Variants in HDAC9 observed in about 807,000 individuals in gnomAD.
HDAC9 encodes the protein histone deacetylase 9, also known as MEF-2 interacting transcription repressor (MITR) protein.
A neutral mutation model predicts 139.4 loss-of-function variants in HDAC9; 41 were observed. The ratio of observed to expected loss-of-function variants is 0.29; its 90% CI spans 0.23 to 0.38. The LOEUF (loss-of-function observed/expected upper bound fraction) is 0.38. Ranked by LOEUF, HDAC9 falls within the 10% of genes least tolerant of loss-of-function variation. HDAC9 has a pLI of 1.00. For synonymous variants in HDAC9, 517 were observed against 476.2 expected (o/e 1.09, Z -1.12); for missense variants, 1,147 against 1,297.0 (o/e 0.88, Z 1.78).
At chr7:18,541,325 G>T (rs1053865325) in intron 2 of HDAC9, among the ~76,000 whole-genome samples, 1 of 151,870 alleles carries the variant, frequency 6.6e-6, no homozygotes, top group Non-Finnish European at 1.5e-5. Flanking sequence ...GCAGCCCGGT[G>T]TGCCAGCCAA....
intron 2 of HDAC9, among the ~76,000 whole-genome samples, chr7:18,209,722 A>G (rs2128166851): frequency 6.6e-6 from 1 of 150,882 alleles, no homozygotes; most frequent in Non-Finnish European, 1.5e-5. Flanking sequence ...TTTTTTTGAG[A>G]CAGAGTCTCA....
At chr7:18,709,367 G>C (rs1410394005) in intron 12 of HDAC9, among the ~76,000 whole-genome samples, 1 of 152,076 alleles carries the variant, frequency 6.6e-6, no homozygotes, top group African/African-American at 2.4e-5. Context: ...CCCTGAAAAG[G>C]ACATGATCTC....
chr7:18,379,170 T>G (rs1449233252), intron 1 of HDAC9, among the ~76,000 whole-genome samples: 1 of 152,170 alleles, frequency 6.6e-6, no homozygotes, highest in Non-Finnish European at 1.5e-5. Context: ...TAATAGAAAA[T>G]GCACTTAAGA....
In HDAC9 at chr7:18,585,345, C is replaced by T; in HGVS notation, c.87C>T (p.Asp29=). The change falls in exon 3 of 26, where the codon GAC becomes GAT. Residue 29 remains aspartate, a synonymous_variant. Coordinates refer to ENST00000686413, the MANE Select transcript of HDAC9 (RefSeq NM_178425.4). Reference sequence around the variant, plus strand: ...TCTCACCTTTAGACCTAAGGACAGACCTCAGGATGATGATGCCCGTGGTGG... The same window carrying T: ...TCTCACCTTTAGACCTAAGGACAGATCTCAGGATGATGATGCCCGTGGTGG... ...EPISPLDLRT[D]LRMMMPVVDP... 1 of 1,613,240 alleles carries T rather than the reference C, an allele frequency of 6.2e-7. No homozygotes were observed. The highest frequency in any genetic ancestry group is 8.5e-7 in the Non-Finnish European group (1 of 1,179,594).
At chr7:18,982,800 T>C (rs1055225030) in intron 25 of HDAC9, among the ~76,000 whole-genome samples, 17 of 152,206 alleles carry the variant, frequency 1.1e-4, no homozygotes, top group East Asian at 1.9e-4. Flanking sequence ...ATTTATGCCA[T>C]TGACAATCCG....
intron 2 of HDAC9, among the ~76,000 whole-genome samples, chr7:18,533,180 T>C (rs1809626565): frequency 6.6e-6 from 1 of 152,192 alleles, no homozygotes; most frequent in East Asian, 1.9e-4. Flanking sequence ...TTTTGTATAC[T>C]TGCATGTTTC....
At position 18,999,223 on chromosome 7, in the gene HDAC9, C is replaced by G. The variant is rs936021088; in HGVS notation, c.*3161C>G. ...TTACTCCAGCCCTATACGACACTCT[C>G]ACTAACCTTTCACTGACAACATCAT... On this transcript the variant is annotated 3_prime_UTR_variant, in exon 26 of 26. Transcript: ENST00000686413. 2 of 152,234 alleles carry G rather than the reference C, an allele frequency of 1.3e-5. No individual in the cohort carries two copies. Among genetic ancestry groups the G allele is most frequent in the African/African-American group, 4.8e-5 (2 of 41,450 alleles). 9.4% of individuals were successfully genotyped at this position (152,234 alleles called of 1,614,324 possible).
chr7:18,375,393 C>T (rs991229697), intron 1 of HDAC9, among the ~76,000 whole-genome samples: 14 of 152,092 alleles, frequency 9.2e-5, no homozygotes, highest in Admixed American at 1.3e-4. Flanking sequence ...TGCTTGAACC[C>T]GGGAGGTGGA....
intron 21 of HDAC9, among the ~76,000 whole-genome samples, chr7:18,838,178 T>C (rs982807968): frequency 2.6e-5 from 4 of 152,084 alleles, no homozygotes; most frequent in African/African-American, 4.8e-5. Flanking sequence ...AAAACCATCA[T>C]TGAACACATA....
Position 18,998,780 on chromosome 7 carries a change from GCT to G in HDAC9, c.*2724_*2725del, listed in dbSNP as rs1786602641. The G allele has an allele frequency of 6.6e-6, 1 of 152,074 alleles. No individual in the cohort carries two copies. The highest frequency in any genetic ancestry group is 1.5e-5 in the Non-Finnish European group (1 of 68,008). 9.4% of individuals were successfully genotyped at this position (152,074 alleles called of 1,614,324 possible). On this transcript the variant is annotated 3_prime_UTR_variant, in exon 26 of 26. Coordinates refer to ENST00000686413, the MANE Select transcript of HDAC9 (RefSeq NM_178425.4). ...CTTACTTTGAAGGAAAATCACATAC[GCT>G]CTCTCATGGTCTCATGGTATCTCAT...
At chr7:18,304,100 T>C (rs614304) in intron 1 of HDAC9, among the ~76,000 whole-genome samples, 22,585 of 152,240 alleles carry the variant, frequency 0.15, 1,901 homozygotes, top group East Asian at 0.26. Context: ...GTTTTGAATC[T>C]CCAAGCCCCA....
At chr7:18,905,193 GC>G (rs1219332578) in intron 22 of HDAC9, among the ~76,000 whole-genome samples, 2 of 152,058 alleles carry the variant, frequency 1.3e-5, no homozygotes, top group Non-Finnish European at 2.9e-5. Flanking sequence ...GCCCGGCCCA[GC>G]CTCCCCATTT....
intron 21 of HDAC9, among the ~76,000 whole-genome samples, chr7:18,871,391 T>C (rs911251962): frequency 2.6e-5 from 4 of 152,194 alleles, no homozygotes; most frequent in Non-Finnish European, 4.4e-5. Flanking sequence ...TGGAAATTGA[T>C]ATGAGAAAGC....
chr7:18,547,311 C>G (rs541032131), intron 2 of HDAC9, among the ~76,000 whole-genome samples: 162 of 152,322 alleles, frequency 1.1e-3, no homozygotes, highest in African/African-American at 3.8e-3. Context: ...TCTCCGCTCA[C>G]TGCAAGCTCT....
chr7:18,211,042 G>T (rs988114120), intron 2 of HDAC9, among the ~76,000 whole-genome samples: 7 of 152,146 alleles, frequency 4.6e-5, no homozygotes, highest in African/African-American at 1.7e-4. Flanking sequence ...CAGTCAAGAT[G>T]TATAAAGTTC....
At chr7:18,919,846 A>G (rs556352189) in intron 22 of HDAC9, among the ~76,000 whole-genome samples, 94 of 152,104 alleles carry the variant, frequency 6.2e-4, no homozygotes, top group Non-Finnish European at 1.2e-3. Context: ...CTTCTGTTCC[A>G]TGGGTCTATA....
intron 6 of HDAC9, among the ~76,000 whole-genome samples, chr7:18,611,261 A>T (rs1198350728): frequency 2.6e-5 from 4 of 152,152 alleles, no homozygotes; most frequent in Non-Finnish European, 5.9e-5. Context: ...ACATTACTTT[A>T]GGGTATTATT....
chr7:18,293,743 T>C lies in HDAC9; in HGVS notation c.-42+3228T>C, dbSNP rs116437007. Among the ~76,000 whole-genome samples the C allele has an allele frequency of 6.5e-3, 991 of 152,214 alleles. 12 individuals are homozygous for C. Among genetic ancestry groups the C allele is most frequent in the African/African-American group, 0.022 (931 of 41,532 alleles). On this transcript the variant is annotated intron_variant, in intron 1 of 3. Coordinates refer to the HDAC9 transcript ENST00000413509. ...ATTTAGCTTGTCAGTGTCCACTTCT[T>C]TGTGCAGTAATGTAATTTCTGGTGG...
At chr7:18,596,676 A>T (rs1188115825) in intron 6 of HDAC9, among the ~76,000 whole-genome samples, 1 of 152,134 alleles carries the variant, frequency 6.6e-6, no homozygotes, top group East Asian at 1.9e-4. Context: ...GAGTGTAAAC[A>T]CCAGCCCAGC....
Sources: gnomAD v4.1 joint callset for allele counts (sites outside exome capture counted in the v4.1 genomes callset) on GRCh38, gnomAD v4.1.1 for gene constraint, MANE v1.5 for transcripts, NCBI Gene and HGNC (gene_info 2026-07-23, HGNC 2026-07-21) for gene names.